Variants in SLC39A12 observed in about 807,000 individuals in gnomAD.
The protein encoded by SLC39A12 is zinc transporter ZIP12.
In SLC39A12, 63 loss-of-function variants were observed where a neutral mutation model predicts 71.1. The ratio of observed to expected loss-of-function variants is 0.89; its 90% CI spans 0.72 to 1.09. The LOEUF (loss-of-function observed/expected upper bound fraction) is 1.09, where lower values mean the gene tolerates loss of function less well. Ranked by LOEUF, SLC39A12 falls within the 50% of genes least tolerant of loss-of-function variation. The pLI is 0.00. For missense variants in SLC39A12, 892 were observed against 812.6 expected, an observed-to-expected ratio of 1.10 and a Z score of -1.19; for synonymous variants, 351 against 301.3, an observed-to-expected ratio of 1.16 and a Z score of -1.71.
chr10:18,035,317 TC>T (rs1255096344), intron 12 of SLC39A12, among the ~76,000 whole-genome samples: 1 of 137,522 alleles, frequency 7.3e-6, no homozygotes, highest in African/African-American at 3.0e-5. Context: ...TTTCACATAG[TC>T]CCATATTTCT....
intron 5 of SLC39A12, among the ~76,000 whole-genome samples, chr10:17,980,449 T>C (rs1029767863): frequency 3.3e-5 from 5 of 152,140 alleles, no homozygotes; most frequent in African/African-American, 1.2e-4. Flanking sequence ...TGCATTGGGG[T>C]CTTATTTCAA....
At position 17,961,777 on chromosome 10, in the gene SLC39A12, A is replaced by G. The variant is rs782189625; in HGVS notation, c.458A>G (p.Asp153Gly). Residue 153 changes from aspartate to glycine, a missense_variant, in exon 3 of 13, where the codon GAT becomes GGT. By Grantham distance (94) the Asp-to-Gly change is moderately conservative. Coordinates refer to ENST00000377369, the MANE Select transcript of SLC39A12 (RefSeq NM_001145195.2). ...YLHSLLSLRQDEDSSFLSQNE... is the reference protein window; with the variant it reads ...YLHSLLSLRQGEDSSFLSQNE... ...CACAGCCTACTGAGCCTCAGGCAGG[A>G]TGAAGATTCCTCTTTCCTTTCACAG... is the stretch of plus-strand genomic sequence containing the variant. 2.5e-6 allele frequency: 4 copies of G among 1,614,018 alleles called. No individual in the cohort carries two copies. The highest frequency in any genetic ancestry group is 3.4e-6 in the Non-Finnish European group (4 of 1,180,008).
intron 12 of SLC39A12, among the ~76,000 whole-genome samples, chr10:18,028,020 G>A (rs1266694624): frequency 6.6e-6 from 1 of 152,124 alleles, no homozygotes; most frequent in Non-Finnish European, 1.5e-5. Flanking sequence ...AGCAAACATG[G>A]TTCTGCTTAT....
intron 12 of SLC39A12, among the ~76,000 whole-genome samples, chr10:18,034,000 A>C (rs1273850283): frequency 9.5e-5 from 14 of 146,598 alleles, no homozygotes; most frequent in African/African-American, 3.5e-4. Context: ...GTTTGATTGC[A>C]CTGTGGTCTG....
chr10:17,995,066 T>C (rs1835650652), intron 9 of SLC39A12, among the ~76,000 whole-genome samples: 1 of 152,254 alleles, frequency 6.6e-6, no homozygotes. Flanking sequence ...CTCTGTCATA[T>C]AAAAGGATTA....
At chr10:17,958,600 C>T (rs1302595739) in intron 2 of SLC39A12, among the ~76,000 whole-genome samples, 3 of 152,130 alleles carry the variant, frequency 2.0e-5, no homozygotes, top group Admixed American at 1.3e-4. Context: ...TCCTGTTCTT[C>T]GAAGAGCAGG....
chr10:17,966,541 G>A (rs1834828981), intron 4 of SLC39A12, among the ~76,000 whole-genome samples: 1 of 151,902 alleles, frequency 6.6e-6, no homozygotes, highest in Admixed American at 6.6e-5. Flanking sequence ...CTGATTCCTG[G>A]CCTCAAGTGA....
intron 2 of SLC39A12, among the ~76,000 whole-genome samples, chr10:17,956,122 A>G (rs1834541305): frequency 6.6e-6 from 1 of 152,076 alleles, no homozygotes; most frequent in South Asian, 2.1e-4. Flanking sequence ...ATGGATATAT[A>G]TGTGCCCCTG....
At chr10:18,023,372 G>T (rs902560880) in intron 12 of SLC39A12, among the ~76,000 whole-genome samples, 1 of 152,102 alleles carries the variant, frequency 6.6e-6, no homozygotes, top group Non-Finnish European at 1.5e-5. Context: ...AGGGCAGCTG[G>T]GTTATGCTGG....
Position 17,977,866 on chromosome 10 carries a change from T to C in SLC39A12, c.752-36T>C, listed in dbSNP as rs1190993085. The C allele has an allele frequency of 3.3e-6, 5 of 1,513,788 alleles. No homozygotes were observed. In the African/African-American group the frequency reaches 4.2e-5, roughly 13 times the overall value. 93.8% of individuals were successfully genotyped at this position (1,513,788 alleles called of 1,614,324 possible). A position where few individuals can be genotyped will look rare whatever the true frequency, so the allele number is the denominator to read the frequency against. ...ATTGTGACTATTCGGAACTTATCTA[T>C]TCTATGTGACACCAGATTTTATATG... is the stretch of plus-strand genomic sequence containing the variant. On this transcript the variant is annotated intron_variant, in intron 4 of 12. Transcript: ENST00000377369.
chr10:17,969,466 T>C (rs184960946), intron 4 of SLC39A12, among the ~76,000 whole-genome samples: 2 of 152,342 alleles, frequency 1.3e-5, no homozygotes, highest in East Asian at 3.9e-4. Flanking sequence ...TTGCCTGTCT[T>C]TTGGCTATAA....
At chr10:18,006,829 C>T (rs1050771467) in intron 12 of SLC39A12, among the ~76,000 whole-genome samples, 15 of 152,172 alleles carry the variant, frequency 9.9e-5, no homozygotes, top group Non-Finnish European at 2.2e-4. Context: ...CAAGCCATCA[C>T]ATCAAAGAAG....
intron 4 of SLC39A12, among the ~76,000 whole-genome samples, chr10:17,967,021 A>G (rs1180239627): frequency 6.6e-6 from 1 of 152,180 alleles, no homozygotes; most frequent in East Asian, 1.9e-4. Context: ...ATTTAAAAAA[A>G]TTATTTTTAT....
chr10:18,040,015 A>G (rs1310310296), intron 12 of SLC39A12, among the ~76,000 whole-genome samples: 4 of 152,222 alleles, frequency 2.6e-5, no homozygotes. Context: ...ATCCATTGTT[A>G]ACTATATGAG....
chr10:17,959,587 G>C lies in SLC39A12; in HGVS notation c.262-1994G>C, dbSNP rs182628127. On this transcript the variant is annotated intron_variant, in intron 2 of 12. Transcript: ENST00000377369. Reference sequence around the variant, plus strand: ...TCCCCACCATGGGACAAATCTGTCTGGGAGTCACGACAGGCGTTTCTCAAT... The same window carrying C: ...TCCCCACCATGGGACAAATCTGTCTCGGAGTCACGACAGGCGTTTCTCAAT... Among the ~76,000 whole-genome samples, 96 of 152,248 alleles carry C rather than the reference G, an allele frequency of 6.3e-4. 1 individual carries two copies. The highest frequency in any genetic ancestry group is 2.2e-3 in the African/African-American group (93 of 41,534).
chr10:17,961,009 A>G (rs1300857156), intron 2 of SLC39A12, among the ~76,000 whole-genome samples: 1 of 152,098 alleles, frequency 6.6e-6, no homozygotes, highest in African/African-American at 2.4e-5. Context: ...TGTTCCTTGT[A>G]TTTCTATCAG....
chr10:18,018,999 T>C (rs1414377878), intron 12 of SLC39A12, among the ~76,000 whole-genome samples: 2 of 152,132 alleles, frequency 1.3e-5, no homozygotes, highest in East Asian at 1.9e-4. Flanking sequence ...GTAAAGTTCA[T>C]TGGTGAGCCC....
At chr10:17,959,402 G>C (rs1291657026) in intron 2 of SLC39A12, among the ~76,000 whole-genome samples, 9 of 152,116 alleles carry the variant, frequency 5.9e-5, no homozygotes, top group Admixed American at 3.3e-4. Flanking sequence ...TGAAGAATGT[G>C]ATTATGCTTT....
rs1834654309 is a variant in SLC39A12, at chr10:17,960,260, A to C, written c.262-1321A>C. 2.6e-5 allele frequency among the ~76,000 whole-genome samples: 4 copies of C among 152,208 alleles called. No homozygotes were observed. In the South Asian group the frequency reaches 8.3e-4, roughly 31 times the overall value. ...CATTAATTCCCCATCTCCAGTGATA[A>C]GAATGTTCTCCTCTTCCTGATACAG... On this transcript the variant is annotated intron_variant, in intron 2 of 12. Coordinates refer to ENST00000377369, the MANE Select transcript of SLC39A12 (RefSeq NM_001145195.2).
Sources: allele counts gnomAD v4.1 joint callset (sites outside exome capture counted in the v4.1 genomes callset), GRCh38; gene constraint gnomAD v4.1.1; transcripts MANE v1.5; gene names NCBI Gene and HGNC (gene_info 2026-07-23, HGNC 2026-07-21).